CD163L1: variants seen among roughly 807,000 people sequenced by gnomAD.
CD163L1 encodes the protein CD163 molecule like 1, also known as scavenger receptor cysteine-rich type 1 protein M160.
Under a neutral mutation model 165.4 loss-of-function variants are expected in CD163L1, and 124 were observed. The observed-to-expected ratio is 0.75, with a 90% CI of 0.65 to 0.87. The LOEUF is 0.87. Among genes scored for constraint, CD163L1 ranks in the 40% least tolerant of loss-of-function variants. CD163L1 has a pLI of 0.00. For synonymous variants in CD163L1, 585 were observed against 662.2 expected, an observed-to-expected ratio of 0.88 and a Z score of 1.79; for missense variants, 1,525 against 1,799.9, an observed-to-expected ratio of 0.85 and a Z score of 2.76.
chr12:7,431,144 C>T (rs1565816512), intron 4 of CD163L1, among the ~76,000 whole-genome samples: 2 of 152,122 alleles, frequency 1.3e-5, no homozygotes, highest in Middle Eastern at 3.4e-3. Flanking sequence ...ATTCTTCAGC[C>T]GGGTGCGGTG....
At chr12:7,362,248 T>C (rs1662721375) in intron 18 of CD163L1, among the ~76,000 whole-genome samples, 1 of 143,212 alleles carries the variant, frequency 7.0e-6, no homozygotes, top group Non-Finnish European at 1.5e-5. Context: ...ACTTATGTTA[T>C]AGATTATGTA....
In CD163L1 at chr12:7,369,329, A is replaced by G; in HGVS notation, c.4039+28T>C. ...GTTCTCTACCATTAGTGGGAGGCTC[A>G]GTTTAAGTGCAGCCTTTTCACACTT... is the stretch of plus-strand genomic sequence containing the variant. On this transcript the variant is annotated intron_variant, in intron 15 of 19. Coordinates refer to ENST00000313599, the MANE Select transcript of CD163L1 (RefSeq NM_174941.6). The surrounding 1 kb of genome is among the most constrained non-coding windows in gnomAD (Gnocchi z 4.9). 6.3e-7 allele frequency: 1 copy of G among 1,599,396 alleles called. No individual in the cohort carries two copies. Among genetic ancestry groups the G allele is most frequent in the Non-Finnish European group, 8.5e-7 (1 of 1,170,150 alleles).
intron 18 of CD163L1, among the ~76,000 whole-genome samples, chr12:7,366,796 A>G (rs754414614): frequency 2.0e-5 from 3 of 152,288 alleles, no homozygotes; most frequent in East Asian, 1.9e-4. Context: ...TCCACACTGT[A>G]TATCATAATA....
Position 7,374,606 on chromosome 12 carries a change from G to GC in CD163L1, c.3244dup (p.Ala1082GlyfsTer21), listed in dbSNP as rs752852121. 3 of 1,614,200 alleles carry GC rather than the reference G, an allele frequency of 1.9e-6. No individual in the cohort carries two copies. The African/African-American group carries it at 4.0e-5, about 22-fold the overall frequency. ...GTGAGCAGAGACCGTGGCATTGAAG[G>GC]CCACTCCACAGCCCAGCTTTTGACA... On this transcript the variant is annotated frameshift_variant, in exon 13 of 20. Transcript: ENST00000313599. LOFTEE classifies it high-confidence loss of function. This position sits in a 1 kb window ranked among gnomAD's most constrained non-coding sequence, Gnocchi z 5.4.
chr12:7,354,558 C>T (rs1377692208), downstream of CD163L1, among the ~76,000 whole-genome samples: 1 of 152,058 alleles, frequency 6.6e-6, no homozygotes, highest in Non-Finnish European at 1.5e-5. Context: ...GAGTAGGATA[C>T]GTATGGAGTG....
At chr12:7,377,436 T>TA (rs970825353) in intron 9 of CD163L1, among the ~76,000 whole-genome samples, 12 of 151,988 alleles carry the variant, frequency 7.9e-5, no homozygotes, top group African/African-American at 1.4e-4. Flanking sequence ...CTCCTATCAA[T>TA]AAAAAAAATT....
At chr12:7,433,738 G>C in intron 2 of CD163L1, 44 bp from the exon 3 acceptor site, 1 of 1,441,714 alleles carries the variant, frequency 6.9e-7, no homozygotes, top group South Asian at 1.3e-5. Flanking sequence ...GCAAAGATTA[G>C]AAGGCAGAAA....
At chr12:7,344,453 C>G (rs1219087102), downstream of CD163L1, among the ~76,000 whole-genome samples, 1 of 152,226 alleles carries the variant, frequency 6.6e-6, no homozygotes, top group African/African-American at 2.4e-5. Context: ...CCTGGGCACA[C>G]TGGTACAAGG....
At chr12:7,380,769 A>C (rs1033941607) in intron 8 of CD163L1, among the ~76,000 whole-genome samples, 2 of 152,098 alleles carry the variant, frequency 1.3e-5, no homozygotes, top group Admixed American at 1.3e-4. Flanking sequence ...TTCCCTAAAA[A>C]CCTATGGAAA....
chr12:7,328,166 T>A, the CD163L1 span: 13 of 687,616 alleles, frequency 1.9e-5, no homozygotes, highest in Non-Finnish European at 2.9e-5. Context: ...TTCAATGAGC[T>A]TAGGCTAAGA....
At chr12:7,356,530 C>T (rs1439431724) in intron 19 of CD163L1, among the ~76,000 whole-genome samples, 1 of 152,074 alleles carries the variant, frequency 6.6e-6, no homozygotes, top group Admixed American at 6.6e-5. Flanking sequence ...TCTTTGCTCC[C>T]TGGCATTTAT....
chr12:7,368,999 G>T lies in CD163L1; in HGVS notation c.4040-34C>A. On this transcript the variant is annotated intron_variant, in intron 15 of 19. Transcript: ENST00000313599. This position sits in a 1 kb window ranked among gnomAD's most constrained non-coding sequence, Gnocchi z 4.3. ...GAGAGAGAGAGAGAGAGACGTAAAT[G>T]AACGAAAAGGAACTGGGTATTTCTT... 2 of 1,599,882 alleles carry T rather than the reference G, an allele frequency of 1.3e-6. No individual in the cohort carries two copies. Among genetic ancestry groups the T allele is most frequent in the South Asian group, 1.1e-5 (1 of 90,790 alleles).
At chr12:7,439,518 T>C in intron 2 of CD163L1, 2 of 1,579,144 alleles carry the variant, frequency 1.3e-6, no homozygotes, top group South Asian at 1.2e-5. Flanking sequence ...CTCTCTGCCT[T>C]AATTTTTTCT....
chr12:7,385,168 T>G, intron 8 of CD163L1, among the ~76,000 whole-genome samples: 1 of 151,240 alleles, frequency 6.6e-6, no homozygotes, highest in South Asian at 2.1e-4. Context: ...AGATATTCCA[T>G]GTAAATGAAA....
chr12:7,442,327 C>G (rs1316360533), intron 1 of CD163L1, among the ~76,000 whole-genome samples: 1 of 152,140 alleles, frequency 6.6e-6, no homozygotes, highest in Non-Finnish European at 1.5e-5. Context: ...CAGTACCCAT[C>G]GGGGAAAGGC....
chr12:7,322,319 C>G, the CD163L1 span: 1 of 1,537,110 alleles, frequency 6.5e-7, no homozygotes, highest in Non-Finnish European at 9.0e-7. Flanking sequence ...AGACTTGCCT[C>G]TCCTAGCTGC....
At chr12:7,425,643 AC>A (rs1948528121) in intron 4 of CD163L1, among the ~76,000 whole-genome samples, 1 of 152,162 alleles carries the variant, frequency 6.6e-6, no homozygotes, top group African/African-American at 2.4e-5. Context: ...AAGAAAAAAA[AC>A]AACCCCATCA....
At position 7,369,639 on chromosome 12, in the gene CD163L1, T is replaced by C; in HGVS notation, c.3757A>G (p.Thr1253Ala). ...EDRIRVRGGD[T>A]ECSGRVEIWH... ...ATCTCCACTCTCCCAGAGCACTCGG[T>C]GTCTCCTCCACGCACTCTTATTCTA... Residue 1253 changes from threonine to alanine, a missense_variant, in exon 15 of 20, where the codon ACC becomes GCC. By Grantham distance (58) the Thr-to-Ala change is moderately conservative. Transcript: ENST00000313599. The surrounding 1 kb of genome is among the most constrained non-coding windows in gnomAD (Gnocchi z 4.9). 6.2e-7 allele frequency: 1 copy of C among 1,614,078 alleles called. No individual in the cohort carries two copies. The highest frequency in any genetic ancestry group is 8.5e-7 in the Non-Finnish European group (1 of 1,179,956).
chr12:7,436,131 G>A (rs1247054914), intron 2 of CD163L1, among the ~76,000 whole-genome samples: 4 of 152,030 alleles, frequency 2.6e-5, no homozygotes, highest in Non-Finnish European at 5.9e-5. Context: ...GAAGAGAAGA[G>A]GAAAACATAC....
Sources: gnomAD v4.1 joint callset for allele counts (sites outside exome capture counted in the v4.1 genomes callset) on GRCh38, gnomAD v4.1.1 for gene constraint, Gnocchi (gnomAD v3.1) non-coding constraint, MANE v1.5 for transcripts, NCBI Gene and HGNC (gene_info 2026-07-23, HGNC 2026-07-21) for gene names.